The following CCDC158 variants were observed in gnomAD, a reference collection of about 807,000 sequenced individuals.
The protein encoded by CCDC158 is coiled-coil domain-containing protein 158.
A neutral mutation model predicts 138.6 loss-of-function variants in CCDC158; 116 were observed. The ratio of observed to expected loss-of-function variants is 0.84; its 90% confidence interval spans 0.72 to 0.98. The LOEUF is 0.98. Ranked by LOEUF, CCDC158 falls within the 50% of genes least tolerant of loss-of-function variation. CCDC158 has a pLI of 0.00. For synonymous variants in CCDC158, 436 were observed against 442.4 expected (o/e 0.99, Z 0.18); for missense variants, 1,265 against 1,306.1 (o/e 0.97, Z 0.48).
chr4:76,333,740 TC>T (rs1721209733), intron 19 of CCDC158, among the ~76,000 whole-genome samples: 1 of 152,210 alleles, frequency 6.6e-6, no homozygotes, highest in Admixed American at 6.5e-5. Context: ...GGATATAAAA[TC>T]TTTTGAGAAT....
At position 76,350,130 on chromosome 4, in the gene CCDC158, C is replaced by G. The variant is rs12512287; in HGVS notation, c.2664+866G>C. On this transcript the variant is annotated intron_variant, in intron 18 of 24. Transcript: ENST00000682701. ...AAAAAGCAGCAGTCTCCTGCCCTTC[C>G]CCTGTGCATCTCTGAATTTCAGTGT... Among the ~76,000 whole-genome samples the G allele has an allele frequency of 3.2e-3, 490 of 152,298 alleles. 14 individuals are homozygous for G. The highest frequency in any genetic ancestry group is 0.027 in the Admixed American group (410 of 15,294).
chr4:76,323,578 A>C (rs761333782), intron 23 of CCDC158, among the ~76,000 whole-genome samples, 169 bp from the exon 24 acceptor site: 1 of 152,234 alleles, frequency 6.6e-6, no homozygotes, highest in African/African-American at 2.4e-5. Context: ...ACATGATTTT[A>C]AAAGAGAGAA....
At chr4:76,387,208 C>A (rs1726880816) in intron 4 of CCDC158, among the ~76,000 whole-genome samples, 1 of 152,136 alleles carries the variant, frequency 6.6e-6, no homozygotes, top group African/African-American at 2.4e-5. Flanking sequence ...GTAAAAAGGA[C>A]TTTGTCTTGC....
intron 18 of CCDC158, among the ~76,000 whole-genome samples, chr4:76,337,680 C>T (rs546493497): frequency 3.2e-4 from 48 of 151,652 alleles, no homozygotes; most frequent in African/African-American, 1.0e-3. Context: ...TGCAGTGACC[C>T]GAGATCGTGC....
In CCDC158 at chr4:76,383,698, T is replaced by C; in HGVS notation, c.767A>G (p.Asn256Ser). ...QLEALKSESQ[N>S]KIELLLQQHQ... ...TTGTTGCAGAAGTAGTTCTATTTTG[T>C]TCTGTGATTCAGATTTCAGTGCTTC... is the stretch of plus-strand genomic sequence containing the variant. The change falls in exon 7 of 25, where the codon AAC (asparagine) becomes AGC (serine). Residue 256 changes from asparagine (N) to serine (S), a missense_variant. Physicochemically the swap from Asn to Ser is conservative, Grantham distance 46 (BLOSUM62 1). Coordinates refer to ENST00000682701, the MANE Select transcript of CCDC158 (RefSeq NM_001394954.1). 6.2e-7 allele frequency: 1 copy of C among 1,613,860 alleles called. No homozygotes were observed. The highest frequency in any genetic ancestry group is 8.5e-7 in the Non-Finnish European group (1 of 1,179,742).
At chr4:76,362,009 C>T (rs1392012394) in intron 13 of CCDC158, 117 bp downstream of exon 13, 1 of 717,432 alleles carries the variant, frequency 1.4e-6, no homozygotes, top group Non-Finnish European at 2.3e-6. Context: ...GGCAGCATAA[C>T]TATTCATGTT....
At chr4:76,321,340 T>C (rs931975440) in intron 24 of CCDC158, among the ~76,000 whole-genome samples, 16 of 152,000 alleles carry the variant, frequency 1.1e-4, no homozygotes, top group African/African-American at 3.1e-4. Flanking sequence ...GTACAACAAC[T>C]ATGGAAAGCA....
rs762952575 is a variant in CCDC158 at position 76,328,900 on chromosome 4, C to T, written c.3010G>A (p.Ala1004Thr). The T allele has an allele frequency of 3.7e-6, 6 of 1,612,958 alleles. No homozygotes were observed. The highest frequency in any genetic ancestry group is 5.1e-6 in the Non-Finnish European group (6 of 1,178,984). The change falls in exon 22 of 25, where the codon GCA (alanine) becomes ACA (threonine). Residue 1004 changes from alanine to threonine, a missense_variant and splice_region_variant. Coordinates refer to ENST00000682701, the MANE Select transcript of CCDC158 (RefSeq NM_001394954.1). ...TTCTGTGCTTTCATTGGAAACTCAC[C>T]TGCAGATGTGAATGTGAAGCAACCA... ...PSGCFTFTSAASPSVKNSASR... is the reference protein window; with the variant it reads ...PSGCFTFTSATSPSVKNSASR...
chr4:76,366,732 A>T (rs1437775347), intron 12 of CCDC158, among the ~76,000 whole-genome samples: 1 of 152,168 alleles, frequency 6.6e-6, no homozygotes, highest in African/African-American at 2.4e-5. Flanking sequence ...AGACCAAAAC[A>T]GGGGAAAGAA....
chr4:76,313,145 CTG>C lies in CCDC158; in HGVS notation c.*23_*24del, dbSNP rs1719045309. The C allele has an allele frequency of 2.7e-6, 4 of 1,490,622 alleles. No individual in the cohort carries two copies. The highest frequency in any genetic ancestry group is 3.7e-6 in the Non-Finnish European group (4 of 1,083,558). The allele number at this position is 1,490,622 out of a possible 1,614,324, so 92.3% of individuals were successfully genotyped here. A position where few individuals can be genotyped will look rare whatever the true frequency, so the allele number is the denominator to read the frequency against. On this transcript the variant is annotated 3_prime_UTR_variant, in exon 25 of 25. Coordinates refer to ENST00000682701, the MANE Select transcript of CCDC158 (RefSeq NM_001394954.1). ...CCACAATTAATTGGGCCTCATTCCT[CTG>C]TAAAGAATAGGCAAGCAACGAGTCA...
At chr4:76,318,296 C>T (rs1210157231) in intron 24 of CCDC158, among the ~76,000 whole-genome samples, 1 of 151,936 alleles carries the variant, frequency 6.6e-6, no homozygotes, top group African/African-American at 2.4e-5. Flanking sequence ...GATAGAAGAT[C>T]CAAATAAGCT....
chr4:76,416,559 G>A (rs1729718139), intron 1 of CCDC158, among the ~76,000 whole-genome samples: 1 of 152,144 alleles, frequency 6.6e-6, no homozygotes, highest in African/African-American at 2.4e-5. Flanking sequence ...GAAAAAAGTG[G>A]TTTTGTGGGC....
intron 7 of CCDC158, among the ~76,000 whole-genome samples, 170 bp from the exon 8 acceptor site, chr4:76,382,890 C>T (rs1453713924): frequency 6.6e-6 from 1 of 152,248 alleles, no homozygotes; most frequent in East Asian, 1.9e-4. Flanking sequence ...ACCCTTTATC[C>T]AAATCTTTTG....
intron 18 of CCDC158, among the ~76,000 whole-genome samples, chr4:76,339,441 T>C (rs1721846627): frequency 6.6e-6 from 1 of 152,182 alleles, no homozygotes; most frequent in Admixed American, 6.5e-5. Context: ...TGAGGCACAA[T>C]TGTTAGAGAG....
intron 18 of CCDC158, among the ~76,000 whole-genome samples, chr4:76,344,042 T>C (rs940661534): frequency 6.6e-6 from 1 of 152,132 alleles, no homozygotes; most frequent in African/African-American, 2.4e-5. Context: ...GATATTCAAA[T>C]AGGAAGAGAA....
At chr4:76,403,614 C>T (rs923183075) in intron 2 of CCDC158, among the ~76,000 whole-genome samples, 2 of 152,122 alleles carry the variant, frequency 1.3e-5, no homozygotes, top group African/African-American at 4.8e-5. Context: ...AAATGGAAGT[C>T]ACTAATAAAA....
chr4:76,361,222 T>C (rs1474211147), intron 13 of CCDC158, among the ~76,000 whole-genome samples: 1 of 152,224 alleles, frequency 6.6e-6, no homozygotes, highest in Non-Finnish European at 1.5e-5. Flanking sequence ...ATGCTTTCTG[T>C]ACAGCCTGCA....
chr4:76,321,742 T>A (rs1009519542), intron 24 of CCDC158, among the ~76,000 whole-genome samples: 14 of 146,232 alleles, frequency 9.6e-5, no homozygotes, highest in African/African-American at 3.5e-4. Context: ...TGTACACATA[T>A]ATATGTAAAT....
At chr4:76,319,758 C>T (rs1719830973) in intron 24 of CCDC158, among the ~76,000 whole-genome samples, 1 of 151,594 alleles carries the variant, frequency 6.6e-6, no homozygotes, top group Admixed American at 6.6e-5. Context: ...ATAATGAAAA[C>T]CCTCGGCAAA....
Sources: allele counts gnomAD v4.1 joint callset (sites outside exome capture counted in the v4.1 genomes callset), GRCh38; gene constraint gnomAD v4.1.1; transcripts MANE v1.5; gene names NCBI Gene and HGNC (gene_info 2026-07-23, HGNC 2026-07-21).